The following ASTN2 variants were observed in gnomAD, a reference collection of about 807,000 sequenced individuals.
ASTN2 encodes the protein astrotactin-2.
In ASTN2, 54 loss-of-function variants were observed where a neutral mutation model predicts 139.8. The ratio of observed to expected loss-of-function variants is 0.39; its 90% confidence interval spans 0.31 to 0.48. The LOEUF is 0.48. ASTN2 is among the 20% of genes least tolerant of loss of function. The pLI, the probability that ASTN2 is intolerant of heterozygous loss-of-function variation, is 0.95. For missense variants in ASTN2, 1,565 were observed against 1,725.1 expected (o/e 0.91, Z 1.64); for synonymous variants, 756 against 719.5 (o/e 1.05, Z -0.81).
At chr9:116,765,797 G>A (rs1343263238) in intron 13 of ASTN2, among the ~76,000 whole-genome samples, 1 of 152,122 alleles carries the variant, frequency 6.6e-6, no homozygotes, top group African/African-American at 2.4e-5. Context: ...TATAACATGT[G>A]ACTGAAAGCA....
chr9:117,197,685 T>C (rs1831551981), intron 3 of ASTN2, among the ~76,000 whole-genome samples: 1 of 152,154 alleles, frequency 6.6e-6, no homozygotes, highest in African/African-American at 2.4e-5. Flanking sequence ...ATAAATTAAA[T>C]AAAACAATAT....
chr9:117,309,449 C>G (rs1158826804), intron 1 of ASTN2, among the ~76,000 whole-genome samples: 1 of 152,200 alleles, frequency 6.6e-6, no homozygotes, highest in Non-Finnish European at 1.5e-5. Flanking sequence ...AAGATCAATA[C>G]TGTTTGCAGA....
chr9:117,336,908 T>C (rs200074452), intron 1 of ASTN2, among the ~76,000 whole-genome samples: 1 of 152,092 alleles, frequency 6.6e-6, no homozygotes, highest in East Asian at 1.9e-4. Flanking sequence ...TAAAAATAAA[T>C]ATAAAACACC....
rs1208935578 is a variant in ASTN2, at chr9:117,170,443, A to C, written c.1016-28965T>G. On this transcript the variant is annotated intron_variant, in intron 3 of 22. Coordinates refer to ENST00000313400, the MANE Select transcript of ASTN2 (RefSeq NM_001365068.1). ...GATGAAGGCACTAGGGATTCAATGAAGAAGGAAGACAAAATTTCTACCTGC... is the reference window on the plus strand; with the variant it reads ...GATGAAGGCACTAGGGATTCAATGACGAAGGAAGACAAAATTTCTACCTGC... 2.6e-5 allele frequency among the ~76,000 whole-genome samples: 4 copies of C among 152,286 alleles called. No individual in the cohort carries two copies. The East Asian group carries it at 7.7e-4, about 29-fold the overall frequency.
intron 16 of ASTN2, among the ~76,000 whole-genome samples, chr9:116,671,786 G>A (rs1859208652): frequency 6.6e-6 from 1 of 152,156 alleles, no homozygotes; most frequent in African/African-American, 2.4e-5. Context: ...GAGGACTTTG[G>A]TCCAACCACC....
chr9:117,183,815 T>A (rs1257419159), intron 3 of ASTN2, among the ~76,000 whole-genome samples: 1 of 152,170 alleles, frequency 6.6e-6, no homozygotes, highest in Non-Finnish European at 1.5e-5. Flanking sequence ...CTTTCCCACA[T>A]CCATGCATAG....
chr9:117,084,770 T>C (rs1828518834), intron 5 of ASTN2, among the ~76,000 whole-genome samples: 1 of 152,190 alleles, frequency 6.6e-6, no homozygotes. Flanking sequence ...GGCTGATATA[T>C]CAAGGAAGCT....
At chr9:117,412,380 A>G (rs1831192776) in intron 1 of ASTN2, among the ~76,000 whole-genome samples, 1 of 152,138 alleles carries the variant, frequency 6.6e-6, no homozygotes, top group Admixed American at 6.5e-5. Flanking sequence ...GGAAGTCTCC[A>G]TGTGCAGGTT....
intron 19 of ASTN2, among the ~76,000 whole-genome samples, chr9:116,542,180 C>T (rs1399103337): frequency 6.6e-6 from 1 of 152,142 alleles, no homozygotes; most frequent in Non-Finnish European, 1.5e-5. Context: ...CTAATAAACA[C>T]CCTTACATGT....
rs772547673 is a variant in ASTN2 at position 116,805,678 on chromosome 9, G to T, written c.2350C>A (p.Arg784=). 2.5e-6 allele frequency: 4 copies of T among 1,613,780 alleles called. No individual in the cohort carries two copies. The highest frequency in any genetic ancestry group is 2.2e-5 in the South Asian group (2 of 91,060). Residue 784 remains arginine, a synonymous_variant, in exon 13 of 23, where the codon CGG becomes AGG. Transcript: ENST00000313400. ...TGGCCTTGGTTCACATGCTGGGTCC[G>T]GTTGTTGTAACCATGTAGCATCTCT... is the stretch of plus-strand genomic sequence containing the variant. ...FGEMLHGYNN[R]TQHVNQGQVF...
At chr9:117,162,486 T>A (rs1293272251) in intron 3 of ASTN2, among the ~76,000 whole-genome samples, 1 of 152,008 alleles carries the variant, frequency 6.6e-6, no homozygotes, top group Non-Finnish European at 1.5e-5. Flanking sequence ...CCAGGTAGGA[T>A]GACAAACCAG....
intron 19 of ASTN2, among the ~76,000 whole-genome samples, chr9:116,527,582 A>C (rs1851148923): frequency 6.6e-6 from 1 of 152,234 alleles, no homozygotes; most frequent in African/African-American, 2.4e-5. Flanking sequence ...GATGGAAAGC[A>C]GCATGAGAAT....
chr9:116,929,359 A>G (rs997112422), intron 10 of ASTN2, among the ~76,000 whole-genome samples: 1 of 152,168 alleles, frequency 6.6e-6, no homozygotes, highest in African/African-American at 2.4e-5. Flanking sequence ...GCCTAGCTAC[A>G]ATGCATTCCT....
intron 10 of ASTN2, among the ~76,000 whole-genome samples, chr9:116,974,242 G>C (rs1445990857): frequency 6.6e-6 from 1 of 152,176 alleles, no homozygotes; most frequent in Non-Finnish European, 1.5e-5. Context: ...GCTAAGATCA[G>C]ATCTAAGACC....
chr9:116,817,511 G>T (rs547663305), intron 12 of ASTN2, among the ~76,000 whole-genome samples: 40 of 152,188 alleles, frequency 2.6e-4, no homozygotes, highest in South Asian at 1.0e-3. Context: ...GAACAGTGTT[G>T]TGAAAACTCC....
At chr9:117,088,967 T>C (rs1828636284) in intron 5 of ASTN2, among the ~76,000 whole-genome samples, 1 of 152,186 alleles carries the variant, frequency 6.6e-6, no homozygotes. Flanking sequence ...CCTGCACTTC[T>C]CATCTGGACT....
chr9:117,214,064 G>A (rs1227069538), intron 3 of ASTN2, among the ~76,000 whole-genome samples: 1 of 152,170 alleles, frequency 6.6e-6, no homozygotes, highest in East Asian at 1.9e-4. Context: ...TCCGAGTAGT[G>A]AGAAAGCTGT....
At chr9:117,255,925 C>T (rs7867320) in intron 2 of ASTN2, among the ~76,000 whole-genome samples, 17,750 of 152,152 alleles carry the variant, frequency 0.12, 1,497 homozygotes, top group African/African-American at 0.23. Context: ...CAACTTATGG[C>T]AGGAAAACTT....
chr9:116,509,974 G>A lies in ASTN2; in HGVS notation c.3356-22474C>T, dbSNP rs571741202. 7.9e-5 allele frequency among the ~76,000 whole-genome samples: 12 copies of A among 152,200 alleles called. No homozygotes were observed. The South Asian group carries it at 2.5e-3, about 32-fold the overall frequency. ...TGTAGGTTGTCTGTTCACTCTGATG[G>A]TAGTTTCTTTTGCTGTGCAGAAGCT... On this transcript the variant is annotated intron_variant, in intron 19 of 22. Coordinates refer to ENST00000313400, the MANE Select transcript of ASTN2 (RefSeq NM_001365068.1).
Sources: allele counts gnomAD v4.1 joint callset (sites outside exome capture counted in the v4.1 genomes callset), GRCh38; gene constraint gnomAD v4.1.1; transcripts MANE v1.5; gene names NCBI Gene and HGNC (gene_info 2026-07-23, HGNC 2026-07-21).